The following ACP3 variants were observed in gnomAD, a reference collection of about 807,000 sequenced individuals.
The protein encoded by ACP3 is prostatic acid phosphatase.
A neutral mutation model predicts 45.6 loss-of-function variants in ACP3; 38 were observed. That is an observed-to-expected ratio of 0.83 (90% confidence interval 0.64 to 1.09). ACP3 has a LOEUF of 1.09. ACP3 is among the 50% of genes least tolerant of loss of function. The probability of loss-of-function intolerance (pLI) is 0.00; values close to 1 mark genes in which losing one functional copy is unlikely to be tolerated. For missense variants in ACP3, 466 were observed against 463.2 expected, an observed-to-expected ratio of 1.01 and a Z score of -0.05; for synonymous variants, 162 against 164.7, an observed-to-expected ratio of 0.98 and a Z score of 0.13.
intron 9 of ACP3, among the ~76,000 whole-genome samples, chr3:132,356,467 C>T (rs78080750): frequency 1.1e-4 from 16 of 152,266 alleles, no homozygotes; most frequent in East Asian, 9.7e-4. Context: ...CCTCCTATGT[C>T]CCTGTTCATC....
Position 132,357,768 on chromosome 3 carries a change from T to C in ACP3, c.*890T>C, listed in dbSNP as rs188916832. 3.0e-6 allele frequency: 3 copies of C among 984,636 alleles called. No homozygotes were observed. The African/African-American group carries it at 5.2e-5, about 17-fold the overall frequency. 61.0% of individuals were successfully genotyped at this position (984,636 alleles called of 1,614,324 possible). ...TTGATTTAAGGCCAGGCATGGTGGT[T>C]TACGCCTATAATCCCAGCATTTTGG... On this transcript the variant is annotated 3_prime_UTR_variant, in exon 10 of 10. Transcript: ENST00000336375.
At chr3:132,363,942 AT>A (rs1170374175) in intron 10 of ACP3, among the ~76,000 whole-genome samples, 1 of 152,162 alleles carries the variant, frequency 6.6e-6, no homozygotes, top group East Asian at 1.9e-4. Context: ...ATCTCAAAAA[AT>A]AAATAAATAA....
At chr3:132,334,007 G>T (rs944419485) in intron 4 of ACP3, among the ~76,000 whole-genome samples, 1 of 152,162 alleles carries the variant, frequency 6.6e-6, no homozygotes, top group Admixed American at 6.6e-5. Flanking sequence ...GGAGGTGGAG[G>T]TTGCAGTGAG....
At chr3:132,344,859 G>A in intron 6 of ACP3, 68 bp from the exon 7 acceptor site, 1 of 1,565,286 alleles carries the variant, frequency 6.4e-7, no homozygotes, top group African/African-American at 1.4e-5. Context: ...AGGTGAAAAA[G>A]GATAAGTCAA....
intron 10 of ACP3, chr3:132,367,623 C>T (rs946962491): frequency 8.9e-7 from 1 of 1,118,002 alleles, no homozygotes; most frequent in African/African-American, 1.5e-5. Context: ...GCAATTAAGG[C>T]AGAAAGCAAC....
At chr3:132,361,422 C>A (rs1176899211), downstream of ACP3, among the ~76,000 whole-genome samples, 1 of 152,194 alleles carries the variant, frequency 6.6e-6, no homozygotes, top group Non-Finnish European at 1.5e-5. Flanking sequence ...GCAATTCTGA[C>A]AGCTATAACG....
At chr3:132,336,118 G>A (rs1937485711) in intron 4 of ACP3, among the ~76,000 whole-genome samples, 1 of 152,120 alleles carries the variant, frequency 6.6e-6, no homozygotes, top group South Asian at 2.1e-4. Context: ...AAATTAGCCA[G>A]GCGTGGTGGC....
At chr3:132,347,331 A>C (rs1163992879) in intron 7 of ACP3, among the ~76,000 whole-genome samples, 1 of 152,220 alleles carries the variant, frequency 6.6e-6, no homozygotes, top group African/African-American at 2.4e-5. Context: ...ATGTTTATTG[A>C]ATGATGAAAC....
At chr3:132,362,740 T>A (rs1671100578), downstream of ACP3, among the ~76,000 whole-genome samples, 1 of 152,154 alleles carries the variant, frequency 6.6e-6, no homozygotes, top group African/African-American at 2.4e-5. Flanking sequence ...AGGAGGATGT[T>A]ACAGACAAAA....
chr3:132,336,798 C>A (rs1470722091), intron 4 of ACP3, among the ~76,000 whole-genome samples: 1 of 151,996 alleles, frequency 6.6e-6, no homozygotes, highest in East Asian at 1.9e-4. Context: ...GGACTAGTCA[C>A]AGATGGAAAG....
chr3:132,317,825 A>G (rs904318006), intron 1 of ACP3, among the ~76,000 whole-genome samples: 3 of 152,146 alleles, frequency 2.0e-5, no homozygotes, highest in African/African-American at 7.2e-5. Flanking sequence ...GATGTTATTT[A>G]TTTACTTACT....
intron 1 of ACP3, among the ~76,000 whole-genome samples, chr3:132,319,720 A>T (rs1937170672): frequency 6.6e-6 from 1 of 152,170 alleles, no homozygotes; most frequent in South Asian, 2.1e-4. Flanking sequence ...GTGGAGACAG[A>T]ATTTGAACCC....
intron 8 of ACP3, among the ~76,000 whole-genome samples, chr3:132,350,264 G>C (rs1937695944): frequency 1.3e-5 from 2 of 152,176 alleles, no homozygotes; most frequent in South Asian, 4.1e-4. Flanking sequence ...AGAAAATCTA[G>C]CCATCCCTTC....
At position 132,358,291 on chromosome 3, in the gene ACP3, T is replaced by C; in HGVS notation, c.*1413T>C. The C allele has an allele frequency of 8.9e-7, 1 of 1,117,984 alleles. No individual in the cohort carries two copies. The highest frequency in any genetic ancestry group is 2.1e-5 in the South Asian group (1 of 47,134). 69.3% of individuals were successfully genotyped at this position (1,117,984 alleles called of 1,614,324 possible). A position where few individuals can be genotyped will look rare whatever the true frequency, so the allele number is the denominator to read the frequency against. On this transcript the variant is annotated 3_prime_UTR_variant, in exon 10 of 10. Coordinates refer to ENST00000336375, the MANE Select transcript of ACP3 (RefSeq NM_001099.5). ...CAAAATTAGAAATGTAATTATGTTC[T>C]AAGTGCCTCCAAGTTCAAAACTTAT...
intron 4 of ACP3, among the ~76,000 whole-genome samples, chr3:132,333,987 C>T (rs1246402744): frequency 6.6e-6 from 1 of 152,182 alleles, no homozygotes; most frequent in African/African-American, 2.4e-5. Context: ...AGGAGAATCA[C>T]TTAAACCTGG....
intron 8 of ACP3, 62 bp downstream of exon 8, chr3:132,350,064 GGACCTCATC>G: frequency 8.5e-7 from 1 of 1,176,582 alleles, no homozygotes; most frequent in Non-Finnish European, 1.3e-6. Context: ...TTGAAGCACA[GGACCTCATC>G]TTTTTTTAAT....
In ACP3 at chr3:132,344,937, A is replaced by C. The variant is rs779423026; in HGVS notation, c.659A>C (p.Asn220Thr). Reference protein sequence around the residue: ...YDPLYCESVHNFTLPSWATED... With the variant: ...YDPLYCESVHTFTLPSWATED... ...TTTTCTTTGCTACAGAGTGTTCACA[A>C]TTTCACTTTACCCTCCTGGGCCACT... The change falls in exon 7 of 10, where the codon AAT (asparagine) becomes ACT (threonine). Residue 220 changes from asparagine to threonine, a missense_variant. Coordinates refer to ENST00000336375, the MANE Select transcript of ACP3 (RefSeq NM_001099.5). 4 of 1,613,594 alleles carry C rather than the reference A, an allele frequency of 2.5e-6. No individual in the cohort carries two copies. The Admixed American group carries it at 6.7e-5, about 27-fold the overall frequency.
At chr3:132,353,973 C>G (rs901930265) in intron 9 of ACP3, among the ~76,000 whole-genome samples, 6 of 152,152 alleles carry the variant, frequency 3.9e-5, no homozygotes, top group Non-Finnish European at 8.8e-5. Context: ...GAGTGTCAGG[C>G]ACAATGAACT....
In ACP3 at chr3:132,357,001, G is replaced by A; in HGVS notation, c.*123G>A. On this transcript the variant is annotated 3_prime_UTR_variant, in exon 10 of 10. Coordinates refer to ENST00000336375, the MANE Select transcript of ACP3 (RefSeq NM_001099.5). ...AATGGGCTTTGGATGATTATTTTAT[G>A]TTTTAGGGACCCCCAACCTCAGGCA... The A allele has an allele frequency of 1.4e-6, 2 of 1,407,500 alleles. No homozygotes were observed. The highest frequency in any genetic ancestry group is 1.8e-6 in the Non-Finnish European group (2 of 1,082,406). 87.2% of individuals were successfully genotyped at this position (1,407,500 alleles called of 1,614,324 possible).
Sources: allele counts gnomAD v4.1 joint callset (sites outside exome capture counted in the v4.1 genomes callset), GRCh38; gene constraint gnomAD v4.1.1; transcripts MANE v1.5; gene names NCBI Gene and HGNC (gene_info 2026-07-23, HGNC 2026-07-21).